Variants in PCDHA2 observed in about 807,000 individuals in gnomAD.
PCDHA2 encodes protocadherin alpha 2, also known as protocadherin alpha-2.
A neutral mutation model predicts 66.0 loss-of-function variants in PCDHA2; 58 were observed. The observed-to-expected ratio is 0.88, with a 90% confidence interval of 0.71 to 1.09. The LOEUF (loss-of-function observed/expected upper bound fraction) is 1.09. PCDHA2 is among the 50% of genes least tolerant of loss of function. The probability of loss-of-function intolerance (pLI) is 0.00; values close to 1 mark genes in which losing one functional copy is unlikely to be tolerated. For synonymous variants in PCDHA2, 634 were observed against 554.0 expected, an observed-to-expected ratio of 1.14 and a Z score of -2.03; for missense variants, 1,267 against 1,242.3, an observed-to-expected ratio of 1.02 and a Z score of -0.30.
chr5:140,919,136 G>T (rs1340753916), intron 1 of PCDHA2, among the ~76,000 whole-genome samples: 5 of 152,064 alleles, frequency 3.3e-5, no homozygotes, highest in African/African-American at 1.2e-4. Context: ...GTGTTTTGGG[G>T]CTCTATTATT....
chr5:140,933,902 A>C (rs1285587221), intron 1 of PCDHA2, among the ~76,000 whole-genome samples: 2 of 151,892 alleles, frequency 1.3e-5, no homozygotes, highest in African/African-American at 2.4e-5. Flanking sequence ...ATATTTTGGC[A>C]TAAAGTTGTT....
chr5:140,916,322 C>T (rs2077526281), intron 1 of PCDHA2, among the ~76,000 whole-genome samples: 1 of 152,066 alleles, frequency 6.6e-6, no homozygotes, highest in Non-Finnish European at 1.5e-5. Context: ...GACAAAGTCC[C>T]CTTTACTTTT....
At chr5:140,931,519 A>G (rs578009368) in intron 1 of PCDHA2, among the ~76,000 whole-genome samples, 6 of 152,054 alleles carry the variant, frequency 3.9e-5, no homozygotes, top group Non-Finnish European at 8.8e-5. Flanking sequence ...TGAATGATTA[A>G]CAAAATAATA....
At chr5:140,805,498 C>T in intron 1 of PCDHA2, 3 of 990,152 alleles carry the variant, frequency 3.0e-6, no homozygotes, top group Non-Finnish European at 3.6e-6. Context: ...AAGCTATTTT[C>T]ACTAGATTGA....
At chr5:140,958,844 G>A (rs533464436) in intron 1 of PCDHA2, among the ~76,000 whole-genome samples, 81 of 152,122 alleles carry the variant, frequency 5.3e-4, no homozygotes, top group African/African-American at 1.9e-3. Context: ...TATCATTCCA[G>A]TGTCTTTGGT....
intron 1 of PCDHA2, chr5:140,801,285 C>A: frequency 6.2e-7 from 1 of 1,613,574 alleles, no homozygotes; most frequent in Non-Finnish European, 8.5e-7. Flanking sequence ...GGGGAGCGGC[C>A]AGCTCCACTA....
intron 1 of PCDHA2, among the ~76,000 whole-genome samples, chr5:140,918,373 C>A (rs1459758959): frequency 6.6e-6 from 1 of 152,056 alleles, no homozygotes; most frequent in Non-Finnish European, 1.5e-5. Context: ...TATTTGGATG[C>A]CTTTTATTTC....
At chr5:140,893,880 G>T (rs1426434148) in intron 1 of PCDHA2, among the ~76,000 whole-genome samples, 1 of 152,090 alleles carries the variant, frequency 6.6e-6, no homozygotes, top group African/African-American at 2.4e-5. Flanking sequence ...ATCCAAAGTG[G>T]CCAGAAAGTT....
At chr5:140,875,616 C>A (rs2055654644) in intron 1 of PCDHA2, 2 of 1,613,748 alleles carry the variant, frequency 1.2e-6, no homozygotes, top group Admixed American at 1.7e-5. Context: ...TGGGCCGCAT[C>A]GCTCAGGACC....
intron 1 of PCDHA2, among the ~76,000 whole-genome samples, chr5:140,920,608 G>A (rs2153558027): frequency 6.6e-6 from 1 of 152,286 alleles, no homozygotes; most frequent in Non-Finnish European, 1.5e-5. Flanking sequence ...CACTTTGGGA[G>A]GCCGAGGCGG....
At chr5:140,829,928 C>T (rs1554132400) in intron 1 of PCDHA2, 1 of 1,613,972 alleles carries the variant, frequency 6.2e-7, no homozygotes, top group East Asian at 2.2e-5. Context: ...TGAGCTGCAG[C>T]CCCCGGCAAG....
intron 1 of PCDHA2, among the ~76,000 whole-genome samples, chr5:140,970,194 A>G (rs1202666673): frequency 6.6e-6 from 1 of 152,204 alleles, no homozygotes; most frequent in African/African-American, 2.4e-5. Context: ...TTGTAAGAGG[A>G]TTTCCCTGAA....
intron 1 of PCDHA2, among the ~76,000 whole-genome samples, chr5:140,961,071 G>GT (rs2095588240): frequency 6.6e-6 from 1 of 152,208 alleles, no homozygotes; most frequent in African/African-American, 2.4e-5. Flanking sequence ...GATATCTGGA[G>GT]TATCAAGTAA....
At chr5:141,003,814 G>A (rs2098139841) in intron 3 of PCDHA2, among the ~76,000 whole-genome samples, 1 of 152,088 alleles carries the variant, frequency 6.6e-6, no homozygotes, top group Admixed American at 6.6e-5. Context: ...CTGTAGTCTG[G>A]GAAGGGCTCT....
rs782003848 is a variant in PCDHA2 at position 140,929,358 on chromosome 5, G to GC, written c.2389-49588dup. The GC allele has an allele frequency of 3.9e-6, 6 of 1,522,886 alleles. No homozygotes were observed. The South Asian group carries it at 5.3e-5, about 13-fold the overall frequency. 94.3% of individuals were successfully genotyped at this position (1,522,886 alleles called of 1,614,324 possible). A position where few individuals can be genotyped will look rare whatever the true frequency, so the allele number is the denominator to read the frequency against. Reference sequence around the variant, plus strand: ...AATTTTATGGAATTTGATTCCTTTGGCCCGGAGATGGCTGCTAGCTGTGTT... The same window carrying GC: ...AATTTTATGGAATTTGATTCCTTTGGCCCCGGAGATGGCTGCTAGCTGTGTT... On this transcript the variant is annotated intron_variant, in intron 1 of 3. Coordinates refer to ENST00000526136, the MANE Select transcript of PCDHA2 (RefSeq NM_018905.3).
At chr5:140,990,029 A>G (rs1343846819) in intron 3 of PCDHA2, among the ~76,000 whole-genome samples, 1 of 152,146 alleles carries the variant, frequency 6.6e-6, no homozygotes, top group African/African-American at 2.4e-5. Context: ...AAAGGATGGG[A>G]GAAGTCAGTC....
At position 140,796,070 on chromosome 5, in the gene PCDHA2, T is replaced by C. The variant is rs782391222; in HGVS notation, c.1106T>C (p.Ile369Thr). 3.1e-6 allele frequency: 5 copies of C among 1,614,212 alleles called. No individual in the cohort carries two copies. Among genetic ancestry groups the C allele is most frequent in the Admixed American group, 1.7e-5 (1 of 60,028 alleles). Residue 369 changes from isoleucine (I) to threonine (T), a missense_variant, in exon 1 of 4, where the codon ATT becomes ACT. By Grantham distance (89) the Ile-to-Thr change is moderately conservative. Transcript: ENST00000526136. ...ISENASLGTV[I>T]ALITVSDRDS... is the part of the protein sequence containing the mutation. ...GAGAACGCTTCCCTGGGCACTGTCA[T>C]TGCTCTCATCACGGTGTCGGATCGC...
intron 1 of PCDHA2, chr5:140,809,026 G>T: frequency 6.2e-7 from 1 of 1,613,446 alleles, no homozygotes; most frequent in Non-Finnish European, 8.5e-7. Flanking sequence ...AGCTGCAGCC[G>T]GGGACTGGTG....
At chr5:140,968,346 C>A in intron 1 of PCDHA2, 2 of 1,614,090 alleles carry the variant, frequency 1.2e-6, no homozygotes, top group Non-Finnish European at 1.7e-6. Context: ...ATTAACAGTG[C>A]CAGTGGCAGC....
Sources: gnomAD v4.1 joint callset for allele counts (sites outside exome capture counted in the v4.1 genomes callset) on GRCh38, gnomAD v4.1.1 for gene constraint, MANE v1.5 for transcripts, NCBI Gene and HGNC (gene_info 2026-07-23, HGNC 2026-07-21) for gene names.